Variants in TENM1 observed in about 807,000 individuals in gnomAD.
The protein encoded by TENM1 is teneurin transmembrane protein 1, also known as teneurin-1.
Under a neutral mutation model 174.8 loss-of-function variants are expected in TENM1, and 35 were observed. The observed-to-expected ratio is 0.20, with a 90% CI of 0.15 to 0.27. TENM1 has a LOEUF of 0.27. Ranked by LOEUF, TENM1 falls within the 10% of genes least tolerant of loss-of-function variation. The probability of loss-of-function intolerance (pLI) is 1.00; values close to 1 mark genes in which losing one functional copy is unlikely to be tolerated. For synonymous variants in TENM1, 781 were observed against 798.7 expected, an observed-to-expected ratio of 0.98 and a Z score of 0.37; for missense variants, 1,633 against 2,130.1, an observed-to-expected ratio of 0.77 and a Z score of 4.59.
intron 3 of TENM1, among the ~76,000 whole-genome samples, chrX:124,832,526 T>C (rs1378238504): frequency 8.9e-6 from 1 of 111,986 alleles, no homozygotes; most frequent in African/African-American, 3.2e-5. Context: ...TCTTCTTTCA[T>C]AAAATAGGAA....
At chrX:125,063,907 A>G in the TENM1 span, among the ~76,000 whole-genome samples, 3 of 111,719 alleles carry the variant, frequency 2.7e-5, no homozygotes, top group African/African-American at 9.8e-5. Context: ...CTTGGAACCA[A>G]CCCAAATGTC....
intron 1 of TENM1, among the ~76,000 whole-genome samples, chrX:124,907,773 T>G: frequency 8.9e-6 from 1 of 112,308 alleles, no homozygotes; most frequent in Non-Finnish European, 1.9e-5. Flanking sequence ...GGTTATTATA[T>G]GCAAACACTA....
rs188794833 is a variant in TENM1 at position 124,605,394 on chromosome X, A to G, written c.2077+36397T>C. On this transcript the variant is annotated intron_variant, in intron 11 of 31. Transcript: ENST00000422452. ...TTGGTCTATTCCTCCAAATAATTCC[A>G]GGTGTGATCTACAGGACCTTTTGTT... 4.4e-4 allele frequency among the ~76,000 whole-genome samples: 48 copies of G among 108,810 alleles called. 1 individual carries two copies. The highest frequency in any genetic ancestry group is 1.9e-5 in the Non-Finnish European group (1 of 52,215). The allele number at this position is 108,810 out of a possible 115,157, so 94.5% of individuals were successfully genotyped here.
Position 124,715,568 on chromosome X carries a change from T to C in TENM1, c.777-10317A>G, listed in dbSNP as rs7053384. 1.8e-3 allele frequency among the ~76,000 whole-genome samples: 198 copies of C among 110,913 alleles called. 1 individual carries two copies. Among genetic ancestry groups the C allele is most frequent in the African/African-American group, 6.3e-3 (193 of 30,573 alleles). ...ATACAGGAGGGGGTAGTGGGCAGAG[T>C]ATTATACACTTTTATTACCTCTTTT... On this transcript the variant is annotated intron_variant, in intron 4 of 31. Coordinates refer to ENST00000422452, the Ensembl canonical transcript of TENM1.
At chrX:124,477,351 A>G (rs1206613976) in intron 22 of TENM1, among the ~76,000 whole-genome samples, 2 of 112,507 alleles carry the variant, frequency 1.8e-5, no homozygotes, top group Non-Finnish European at 3.8e-5. Context: ...TAGGAAAAGG[A>G]AACTAGACTA....
chrX:124,918,463 A>G (rs1328124375), intron 1 of TENM1, among the ~76,000 whole-genome samples: 2 of 110,056 alleles, frequency 1.8e-5, no homozygotes, highest in African/African-American at 6.6e-5. Flanking sequence ...TACAGGCTTG[A>G]GCCATCGCGC....
At chrX:125,037,180 AT>A in the TENM1 span, among the ~76,000 whole-genome samples, 1 of 110,316 alleles carries the variant, frequency 9.1e-6, no homozygotes, top group Non-Finnish European at 1.9e-5. Flanking sequence ...AAAATCCCTA[AT>A]TTGCAATCTC....
chrX:125,101,449 T>G, the TENM1 span, among the ~76,000 whole-genome samples: 29,299 of 111,088 alleles, frequency 0.26, 3,173 homozygotes, highest in African/African-American at 0.4. Context: ...GAATAACTTG[T>G]TCTGAATACA....
intron 17 of TENM1, among the ~76,000 whole-genome samples, chrX:124,522,703 T>G (rs2047880384): frequency 9.3e-6 from 1 of 107,422 alleles, no homozygotes; most frequent in Non-Finnish European, 1.9e-5. Context: ...TTTTTTTTTT[T>G]TGGAGACAGA....
intron 22 of TENM1, among the ~76,000 whole-genome samples, chrX:124,478,731 A>C (rs188926791): frequency 2.2e-4 from 25 of 111,789 alleles, no homozygotes; most frequent in Admixed American, 2.2e-3. Flanking sequence ...TGGAGGGAAA[A>C]ATCAAACCTC....
At chrX:124,990,855 T>C in the TENM1 span, among the ~76,000 whole-genome samples, 1 of 111,748 alleles carries the variant, frequency 8.9e-6, no homozygotes, top group Non-Finnish European at 1.9e-5. Flanking sequence ...GCTCAGGTAT[T>C]CTAGCCTAGG....
intron 31 of TENM1, 46 bp from the exon 35 acceptor site, chrX:124,381,340 C>A: frequency 9.1e-7 from 1 of 1,100,330 alleles, no homozygotes; most frequent in Non-Finnish European, 1.2e-6. Context: ...AGTTAGACAT[C>A]TGTCAGATAC....
intron 22 of TENM1, among the ~76,000 whole-genome samples, chrX:124,455,768 A>T (rs1414364128): frequency 9.0e-6 from 1 of 111,664 alleles, no homozygotes; most frequent in East Asian, 2.8e-4. Context: ...ACTTTAGTAA[A>T]TTAAGGATAT....
At chrX:125,039,426 G>T in the TENM1 span, among the ~76,000 whole-genome samples, 1 of 111,021 alleles carries the variant, frequency 9.0e-6, no homozygotes, top group Non-Finnish European at 1.9e-5. Flanking sequence ...GGAGTCAAAT[G>T]CTTCCCTAAT....
chrX:124,924,897 G>A (rs1241509379), intron 1 of TENM1, among the ~76,000 whole-genome samples: 1 of 110,174 alleles, frequency 9.1e-6, no homozygotes, highest in Admixed American at 9.7e-5. Flanking sequence ...TACTAACAGT[G>A]TATGAACCAC....
intron 11 of TENM1, among the ~76,000 whole-genome samples, chrX:124,601,571 T>C (rs1441269276): frequency 1.8e-5 from 2 of 110,946 alleles, no homozygotes; most frequent in African/African-American, 3.3e-5. Context: ...AGAAGAGAAA[T>C]TCTGAAAAAG....
chrX:124,946,712 T>C (rs958797173), intron 1 of TENM1, among the ~76,000 whole-genome samples: 1 of 111,237 alleles, frequency 9.0e-6, no homozygotes, highest in Admixed American at 9.6e-5. Flanking sequence ...AAGAGCTAAG[T>C]ATTTCAAGAA....
chrX:124,518,858 T>C (rs143374432), intron 18 of TENM1, among the ~76,000 whole-genome samples: 1,715 of 112,037 alleles, frequency 0.015, 25 homozygotes, highest in Middle Eastern at 0.041. Context: ...TAAGCAGGAC[T>C]CTGTAGGCTG....
the TENM1 span, among the ~76,000 whole-genome samples, chrX:124,989,511 A>G: frequency 9.0e-5 from 10 of 111,358 alleles, no homozygotes; most frequent in African/African-American, 3.3e-4. Context: ...AGAAACTGAC[A>G]AGCTGATTCT....
Sources: gnomAD v4.1 joint callset for allele counts (sites outside exome capture counted in the v4.1 genomes callset) on GRCh38, gnomAD v4.1.1 for gene constraint, MANE v1.5 for transcripts, NCBI Gene and HGNC (gene_info 2026-07-23, HGNC 2026-07-21) for gene names.